MAPRE2: variants seen among roughly 807,000 people sequenced by gnomAD.
MAPRE2 encodes microtubule-associated protein RP/EB family member 2.
A neutral mutation model predicts 43.2 loss-of-function variants in MAPRE2; 13 were observed. The observed-to-expected ratio is 0.30, with a 90% CI of 0.20 to 0.48. The LOEUF is 0.48. Among genes scored for constraint, MAPRE2 ranks in the 20% least tolerant of loss-of-function variants. MAPRE2 has a pLI of 0.99. For missense variants in MAPRE2, 161 were observed against 400.2 expected (o/e 0.40, Z 5.10); for synonymous variants, 135 against 148.8 (o/e 0.91, Z 0.68).
intron 4 of MAPRE2, among the ~76,000 whole-genome samples, chr18:35,103,365 CAT>C (rs549996394): frequency 1.3e-5 from 2 of 152,220 alleles, no homozygotes; most frequent in South Asian, 4.1e-4. Flanking sequence ...AGATGTTAAA[CAT>C]GACTTCTTGT....
At chr18:34,980,052 T>C (rs2097015380) in intron 1 of MAPRE2, among the ~76,000 whole-genome samples, 1 of 141,578 alleles carries the variant, frequency 7.1e-6, no homozygotes, top group African/African-American at 2.7e-5. Flanking sequence ...TTTTTTTTTT[T>C]TTGAGACAGA....
intron 1 of MAPRE2, among the ~76,000 whole-genome samples, chr18:35,068,143 A>G (rs1474576316): frequency 1.3e-5 from 2 of 152,238 alleles, no homozygotes; most frequent in Admixed American, 1.3e-4. Flanking sequence ...TTTCATGAGC[A>G]TAAATAGGAA....
intron 2 of MAPRE2, among the ~76,000 whole-genome samples, chr18:35,017,761 A>G (rs892918802): frequency 2.0e-5 from 3 of 151,410 alleles, no homozygotes; most frequent in African/African-American, 4.8e-5. Context: ...TAGAATTTTT[A>G]TTATTCATGA....
At chr18:35,039,882 G>C (rs1467892850), upstream of MAPRE2, among the ~76,000 whole-genome samples, 3 of 152,120 alleles carry the variant, frequency 2.0e-5, no homozygotes, top group African/African-American at 7.2e-5. Context: ...CCCTATAAAA[G>C]GTCAGAGACC....
intron 2 of MAPRE2, among the ~76,000 whole-genome samples, chr18:35,081,753 T>G (rs1476942942): frequency 6.6e-6 from 1 of 152,042 alleles, no homozygotes; most frequent in Non-Finnish European, 1.5e-5. Flanking sequence ...ATGAGCAACT[T>G]GAGAAAGGGG....
At chr18:34,977,757 C>G (rs574587361) in intron 1 of MAPRE2, among the ~76,000 whole-genome samples, 1 of 152,320 alleles carries the variant, frequency 6.6e-6, no homozygotes, top group African/African-American at 2.4e-5. Context: ...CTGCAGGGAG[C>G]CCCGGGAGCG....
intron 2 of MAPRE2, among the ~76,000 whole-genome samples, chr18:35,077,247 GCGCACA>G (rs150036340): frequency 0.08 from 9,294 of 116,840 alleles, 400 homozygotes; most frequent in African/African-American, 0.23. Context: ...GCGTGCGCGC[GCGCACA>G]CACACACACA....
At chr18:34,997,614 G>A (rs1460870008) in intron 1 of MAPRE2, among the ~76,000 whole-genome samples, 2 of 152,122 alleles carry the variant, frequency 1.3e-5, no homozygotes, top group African/African-American at 2.4e-5. Context: ...TAAAGAGTTC[G>A]AGACTAGCCT....
chr18:35,010,501 G>A (rs554808459), intron 2 of MAPRE2, among the ~76,000 whole-genome samples: 34 of 152,284 alleles, frequency 2.2e-4, no homozygotes, highest in African/African-American at 7.5e-4. Context: ...GTGCATCATG[G>A]ACACTCAGAA....
chr18:35,053,351 G>A (rs1486278501), intron 1 of MAPRE2, among the ~76,000 whole-genome samples: 1 of 151,928 alleles, frequency 6.6e-6, no homozygotes, highest in African/African-American at 2.4e-5. Context: ...CCAAGATCAC[G>A]CCACTGCACT....
intron 2 of MAPRE2, among the ~76,000 whole-genome samples, chr18:35,079,456 C>G (rs114645851): frequency 6.6e-6 from 1 of 152,162 alleles, no homozygotes; most frequent in African/African-American, 2.4e-5. Context: ...CTTAGTCTTA[C>G]GTAAAAGGAC....
chr18:35,041,674 G>A lies in MAPRE2; in HGVS notation c.122+13G>A, dbSNP rs762584458. The stretch of plus-strand genomic sequence containing the variant: ...AGCGTTCCTACAGGTAATGGGGCTG[G>A]CACGAGAGCAGCGCCGGGGACCGCC... On this transcript the variant is annotated intron_variant, in intron 1 of 6. Coordinates refer to ENST00000300249, the MANE Select transcript of MAPRE2 (RefSeq NM_014268.4). The A allele has an allele frequency of 1.9e-6, 3 of 1,614,116 alleles. No individual in the cohort carries two copies. Among genetic ancestry groups the A allele is most frequent in the Non-Finnish European group, 1.7e-6 (2 of 1,180,024 alleles).
At chr18:35,036,258 C>A (rs1443828491) in intron 2 of MAPRE2, among the ~76,000 whole-genome samples, 1 of 152,026 alleles carries the variant, frequency 6.6e-6, no homozygotes, top group African/African-American at 2.4e-5. Flanking sequence ...CTGAGTTATA[C>A]CCCATGAATT....
intron 2 of MAPRE2, among the ~76,000 whole-genome samples, chr18:35,035,456 T>C (rs1227704819): frequency 1.3e-5 from 2 of 151,924 alleles, no homozygotes; most frequent in Non-Finnish European, 2.9e-5. Context: ...GACACATGTA[T>C]ACATATGTAA....
rs114912120 is a variant in MAPRE2, at chr18:35,011,894, G to C, written c.-8+6341G>C. On this transcript the variant is annotated intron_variant, in intron 2 of 7. Coordinates refer to the MAPRE2 transcript ENST00000413393. ...AGTGCTATGAAGAGAAGTAAAGAAA[G>C]GGGGACAGGAATACAGCCGGAGGAG... Among the ~76,000 whole-genome samples, 979 of 152,154 alleles carry C rather than the reference G, an allele frequency of 6.4e-3. 9 individuals are homozygous for C. The highest frequency in any genetic ancestry group is 0.022 in the African/African-American group (909 of 41,518).
At chr18:35,070,108 C>A in intron 1 of MAPRE2, 87 bp from the exon 2 acceptor site, 3 of 1,195,164 alleles carry the variant, frequency 2.5e-6, no homozygotes, top group South Asian at 1.7e-5. Context: ...GCCCTGGAGT[C>A]CTGCCAGGAT....
At chr18:35,003,649 G>T (rs2097030450) in intron 1 of MAPRE2, among the ~76,000 whole-genome samples, 1 of 152,192 alleles carries the variant, frequency 6.6e-6, no homozygotes, top group Non-Finnish European at 1.5e-5. Context: ...CTGCTTTATA[G>T]ATAAACTAGA....
intron 1 of MAPRE2, among the ~76,000 whole-genome samples, chr18:35,043,535 A>G (rs555403418): frequency 1.4e-3 from 209 of 152,358 alleles, no homozygotes; most frequent in African/African-American, 4.9e-3. Context: ...AATTCAACCC[A>G]GGCTATTATT....
At chr18:35,053,655 G>A (rs1411944243) in intron 1 of MAPRE2, among the ~76,000 whole-genome samples, 1 of 152,102 alleles carries the variant, frequency 6.6e-6, no homozygotes, top group African/African-American at 2.4e-5. Flanking sequence ...TTAAATTTAA[G>A]AGGAAAGTGT....
Sources: allele counts gnomAD v4.1 joint callset (sites outside exome capture counted in the v4.1 genomes callset), GRCh38; gene constraint gnomAD v4.1.1; transcripts MANE v1.5; gene names NCBI Gene and HGNC (gene_info 2026-07-23, HGNC 2026-07-21).